The following GRID2 variants were observed in gnomAD, a reference collection of about 807,000 sequenced individuals.
GRID2 encodes the protein glutamate receptor ionotropic, delta-2.
A neutral mutation model predicts 114.8 loss-of-function variants in GRID2; 33 were observed. The observed-to-expected ratio is 0.29, with a 90% confidence interval of 0.22 to 0.38. The LOEUF is 0.38. GRID2 is among the 10% of genes least tolerant of loss of function. The pLI is 1.00. For synonymous variants in GRID2, 505 were observed against 449.9 expected (o/e 1.12, Z -1.55); for missense variants, 1,184 against 1,257.7 (o/e 0.94, Z 0.89).
chr4:93,111,771 C>A (rs1314571336), intron 4 of GRID2, among the ~76,000 whole-genome samples: 1 of 65,184 alleles, frequency 1.5e-5, no homozygotes. Flanking sequence ...TTTTTTGCCT[C>A]ATTTCACTAT....
At chr4:92,594,613 C>T (rs1481408563) in intron 2 of GRID2, among the ~76,000 whole-genome samples, 1 of 151,934 alleles carries the variant, frequency 6.6e-6, no homozygotes, top group Non-Finnish European at 1.5e-5. Context: ...TTTGTTCTGC[C>T]ACCTCATTCA....
chr4:93,681,334 G>A (rs540225586), intron 14 of GRID2, among the ~76,000 whole-genome samples: 4 of 151,600 alleles, frequency 2.6e-5, no homozygotes, highest in South Asian at 2.1e-4. Context: ...AATCAATATC[G>A]TGAAAATGAC....
rs377427682 is a variant in GRID2, at chr4:92,991,600, T to A, written c.245-93395T>A. Among the ~76,000 whole-genome samples the A allele has an allele frequency of 2.6e-5, 4 of 152,324 alleles. No homozygotes were observed. The East Asian group carries it at 7.7e-4, about 29-fold the overall frequency. On this transcript the variant is annotated intron_variant, in intron 2 of 15. Coordinates refer to ENST00000282020, the MANE Select transcript of GRID2 (RefSeq NM_001510.4). ...CAAAGTTAAAGAATGTTGCTAAGTATAGGATAGGCAACAATTAAAAAGCAA... is the reference window on the plus strand; with the variant it reads ...CAAAGTTAAAGAATGTTGCTAAGTAAAGGATAGGCAACAATTAAAAAGCAA...
At chr4:93,201,998 A>T (rs994588821) in intron 4 of GRID2, among the ~76,000 whole-genome samples, 1 of 151,864 alleles carries the variant, frequency 6.6e-6, no homozygotes, top group African/African-American at 2.4e-5. Context: ...AATTTGTTAT[A>T]ATTACATTGC....
chr4:93,477,632 C>T (rs1209368342), intron 11 of GRID2, among the ~76,000 whole-genome samples: 1 of 151,954 alleles, frequency 6.6e-6, no homozygotes, highest in Admixed American at 6.6e-5. Flanking sequence ...TTTAGCAGTC[C>T]CATAAAAAAG....
intron 7 of GRID2, among the ~76,000 whole-genome samples, chr4:93,227,849 C>T (rs1049977413): frequency 1.3e-5 from 2 of 152,230 alleles, no homozygotes; most frequent in Non-Finnish European, 2.9e-5. Context: ...TTACTCATTT[C>T]TGTCTGAGAC....
chr4:93,131,738 T>A (rs2149376084), intron 4 of GRID2, among the ~76,000 whole-genome samples: 1 of 152,264 alleles, frequency 6.6e-6, no homozygotes, highest in East Asian at 1.9e-4. Context: ...GGGATATTCA[T>A]TACCTCAAAC....
intron 2 of GRID2, among the ~76,000 whole-genome samples, chr4:92,804,685 C>A (rs951937820): frequency 6.6e-6 from 1 of 151,960 alleles, no homozygotes; most frequent in Non-Finnish European, 1.5e-5. Context: ...GGAAACAGAA[C>A]TAAAAAGTAG....
intron 1 of GRID2, among the ~76,000 whole-genome samples, chr4:92,530,498 G>C (rs2149149809): frequency 8.6e-6 from 1 of 116,410 alleles, no homozygotes; most frequent in South Asian, 2.9e-4. Flanking sequence ...AAAAGTGAGT[G>C]ACTAGTACAG....
intron 4 of GRID2, among the ~76,000 whole-genome samples, chr4:93,123,859 C>A (rs1219159520): frequency 6.7e-6 from 1 of 149,506 alleles, no homozygotes; most frequent in African/African-American, 2.5e-5. Context: ...TAAATGAATC[C>A]AAAAATAATT....
At chr4:92,677,043 T>C (rs1733410708) in intron 2 of GRID2, among the ~76,000 whole-genome samples, 1 of 152,210 alleles carries the variant, frequency 6.6e-6, no homozygotes, top group Admixed American at 6.5e-5. Context: ...TATATGTTTC[T>C]ACTTATATGA....
At chr4:93,128,587 G>A (rs1160423992) in intron 4 of GRID2, among the ~76,000 whole-genome samples, 1 of 152,172 alleles carries the variant, frequency 6.6e-6, no homozygotes, top group African/African-American at 2.4e-5. Context: ...CATTGGACTT[G>A]TAGAGAAAAC....
chr4:93,721,047 A>G (rs908887114), intron 14 of GRID2, among the ~76,000 whole-genome samples: 10 of 152,174 alleles, frequency 6.6e-5, no homozygotes, highest in African/African-American at 2.4e-4. Flanking sequence ...TTAAAAATTC[A>G]GATCATTCTA....
intron 2 of GRID2, among the ~76,000 whole-genome samples, chr4:93,075,088 T>C (rs1729138054): frequency 6.6e-6 from 1 of 152,158 alleles, no homozygotes; most frequent in African/African-American, 2.4e-5. Context: ...ATTCAAAATG[T>C]GTGACTATAT....
At chr4:93,042,703 G>A (rs929453181) in intron 2 of GRID2, among the ~76,000 whole-genome samples, 1 of 137,292 alleles carries the variant, frequency 7.3e-6, no homozygotes, top group Non-Finnish European at 1.6e-5. Context: ...ATATATATAT[G>A]CATATATATA....
At chr4:93,356,404 G>C (rs1463791346) in intron 8 of GRID2, among the ~76,000 whole-genome samples, 1 of 150,138 alleles carries the variant, frequency 6.7e-6, no homozygotes, top group Non-Finnish European at 1.5e-5. Flanking sequence ...TTTTCTCAAA[G>C]AATAAATTTT....
intron 1 of GRID2, among the ~76,000 whole-genome samples, chr4:92,504,642 A>G (rs1723862430): frequency 6.6e-6 from 1 of 152,052 alleles, no homozygotes; most frequent in Non-Finnish European, 1.5e-5. Flanking sequence ...CAACTAGAAA[A>G]GCACAACTCT....
At chr4:92,486,610 G>T (rs924080038) in intron 1 of GRID2, among the ~76,000 whole-genome samples, 2 of 144,692 alleles carry the variant, frequency 1.4e-5, no homozygotes, top group African/African-American at 5.1e-5. Flanking sequence ...TAATATAGTA[G>T]GAATAAGAAG....
chr4:93,303,636 T>G (rs1755102963), intron 8 of GRID2, among the ~76,000 whole-genome samples: 1 of 152,228 alleles, frequency 6.6e-6, no homozygotes, highest in Non-Finnish European at 1.5e-5. Context: ...GTTCTCTGAT[T>G]CATAGACTCA....
Sources: gnomAD v4.1 joint callset for allele counts (sites outside exome capture counted in the v4.1 genomes callset) on GRCh38, gnomAD v4.1.1 for gene constraint, MANE v1.5 for transcripts, NCBI Gene and HGNC (gene_info 2026-07-23, HGNC 2026-07-21) for gene names.